Variants in ESRRG observed in about 807,000 individuals in gnomAD.
ESRRG encodes the protein estrogen related receptor gamma, also known as estrogen-related receptor gamma.
In ESRRG, 13 loss-of-function variants were observed where a neutral mutation model predicts 44.0. The observed-to-expected ratio is 0.30, with a 90% CI of 0.19 to 0.47. ESRRG has a LOEUF of 0.47. ESRRG is among the 20% of genes least tolerant of loss of function. ESRRG has a pLI of 1.00. For synonymous variants in ESRRG, 215 were observed against 214.6 expected, an observed-to-expected ratio of 1.00 and a Z score of -0.02; for missense variants, 395 against 580.6, an observed-to-expected ratio of 0.68 and a Z score of 3.29.
rs111905976 is a variant in ESRRG at position 216,507,047 on chromosome 1, G to C, written c.1269C>G (p.Leu423=). 9 of 1,613,988 alleles carry C rather than the reference G, an allele frequency of 5.6e-6. No individual in the cohort carries two copies. Among genetic ancestry groups the C allele is most frequent in the African/African-American group, 1.3e-5 (1 of 74,918 alleles). The change falls in exon 7 of 7, where the codon CTC becomes CTG. Residue 423 remains leucine (L), a synonymous_variant. Transcript: ENST00000408911. ...RAGKMLMTLP[L]LRQTSTKAVQ... The stretch of plus-strand genomic sequence containing the variant: ...CGGCCTTGGTAGAGGTCTGCCTCAG[G>C]AGTGGCAGTGTCATCAGCATCTTGC...
intron 1 of ESRRG, among the ~76,000 whole-genome samples, chr1:217,054,369 C>A (rs1433893386): frequency 6.6e-6 from 1 of 152,104 alleles, no homozygotes; most frequent in Non-Finnish European, 1.5e-5. Flanking sequence ...TCCTATTTAA[C>A]CTCATATGGG....
chr1:216,525,827 G>A (rs914115451), intron 5 of ESRRG, among the ~76,000 whole-genome samples: 1 of 152,110 alleles, frequency 6.6e-6, no homozygotes, highest in Non-Finnish European at 1.5e-5. Context: ...GTAGAACTAG[G>A]TCAAGAAATA....
chr1:217,075,213 C>A (rs1177767921), intron 1 of ESRRG, among the ~76,000 whole-genome samples: 1 of 152,168 alleles, frequency 6.6e-6, no homozygotes, highest in African/African-American at 2.4e-5. Context: ...AATAATGAAA[C>A]CAGCAACAGT....
At chr1:216,787,049 C>T (rs2094150022) in intron 2 of ESRRG, among the ~76,000 whole-genome samples, 1 of 150,486 alleles carries the variant, frequency 6.6e-6, no homozygotes, top group Non-Finnish European at 1.5e-5. Context: ...AGCATGTGTT[C>T]ACTTTCCGTC....
At chr1:216,751,549 C>T (rs532273334) in intron 2 of ESRRG, among the ~76,000 whole-genome samples, 1 of 152,158 alleles carries the variant, frequency 6.6e-6, no homozygotes, top group African/African-American at 2.4e-5. Flanking sequence ...TTCATCTGCC[C>T]TTTCACTGCC....
At chr1:216,561,223 A>G (rs1323265975) in intron 5 of ESRRG, among the ~76,000 whole-genome samples, 1 of 152,184 alleles carries the variant, frequency 6.6e-6, no homozygotes. Context: ...GTGCAAAAGT[A>G]CATTCGAAGC....
intron 1 of ESRRG, among the ~76,000 whole-genome samples, chr1:217,035,167 T>C (rs2082662490): frequency 6.6e-6 from 1 of 151,624 alleles, no homozygotes; most frequent in African/African-American, 2.4e-5. Flanking sequence ...AGGATTGATG[T>C]GAGAATTAAA....
At chr1:217,100,627 A>G (rs901205531) in intron 1 of ESRRG, among the ~76,000 whole-genome samples, 1 of 152,252 alleles carries the variant, frequency 6.6e-6, no homozygotes, top group African/African-American at 2.4e-5. Flanking sequence ...CAGACTATAC[A>G]TGAAGCATAG....
intron 2 of ESRRG, among the ~76,000 whole-genome samples, chr1:216,788,030 A>T (rs1004325241): frequency 6.6e-6 from 1 of 152,158 alleles, no homozygotes; most frequent in African/African-American, 2.4e-5. Context: ...GCTATCACGC[A>T]TTGGTTCATG....
At chr1:217,043,438 C>T (rs1255983464) in intron 1 of ESRRG, among the ~76,000 whole-genome samples, 2 of 152,158 alleles carry the variant, frequency 1.3e-5, no homozygotes, top group South Asian at 2.1e-4. Context: ...ATGAATAGTG[C>T]ACAACTTATC....
intron 2 of ESRRG, among the ~76,000 whole-genome samples, chr1:216,816,466 T>C (rs1410711586): frequency 1.3e-5 from 2 of 152,206 alleles, no homozygotes; most frequent in East Asian, 3.8e-4. Context: ...TCCATGATGT[T>C]GGTTAAACAG....
intron 2 of ESRRG, among the ~76,000 whole-genome samples, chr1:216,926,463 A>G (rs1200647525): frequency 2.6e-5 from 4 of 152,152 alleles, no homozygotes; most frequent in South Asian, 2.1e-4. Flanking sequence ...ACTCTTACAC[A>G]TGAAATGTGA....
intron 2 of ESRRG, among the ~76,000 whole-genome samples, chr1:216,934,260 C>T (rs2063776127): frequency 6.6e-6 from 1 of 152,030 alleles, no homozygotes; most frequent in African/African-American, 2.4e-5. Context: ...ATGGCGAAAC[C>T]CCGTCTCTAC....
At chr1:217,044,106 T>C (rs2084399535) in intron 1 of ESRRG, among the ~76,000 whole-genome samples, 1 of 152,196 alleles carries the variant, frequency 6.6e-6, no homozygotes, top group Non-Finnish European at 1.5e-5. Context: ...TAATTGGCTT[T>C]CAAGTTTACT....
intron 1 of ESRRG, among the ~76,000 whole-genome samples, chr1:217,135,417 A>G (rs1284464427): frequency 2.6e-5 from 4 of 152,202 alleles, no homozygotes; most frequent in Non-Finnish European, 5.9e-5. Flanking sequence ...ACAGCGAAAT[A>G]GAGAATGAGA....
chr1:216,803,388 CTT>C (rs1311615043), intron 2 of ESRRG, among the ~76,000 whole-genome samples: 1 of 152,120 alleles, frequency 6.6e-6, no homozygotes, highest in Non-Finnish European at 1.5e-5. Flanking sequence ...TGTTCAGACT[CTT>C]GAGTGTCCCC....
intron 1 of ESRRG, among the ~76,000 whole-genome samples, chr1:217,133,609 C>T (rs2092996623): frequency 2.6e-4 from 4 of 15,584 alleles, no homozygotes; most frequent in African/African-American, 6.2e-4. Context: ...TTCCTTTTTT[C>T]TTTCTTTCTT....
At chr1:216,576,667 A>C (rs570384074) in intron 3 of ESRRG, among the ~76,000 whole-genome samples, 1 of 152,042 alleles carries the variant, frequency 6.6e-6, no homozygotes, top group African/African-American at 2.4e-5. Context: ...ATCATGTGCT[A>C]AATTTATAAT....
At chr1:217,000,716 A>G (rs2076922779) in intron 1 of ESRRG, 1 of 152,220 alleles carries the variant, frequency 6.6e-6, no homozygotes, top group Admixed American at 6.5e-5. Context: ...CCGTGTAGCA[A>G]CATCGTCACT....
Sources: gnomAD v4.1 joint callset for allele counts (sites outside exome capture counted in the v4.1 genomes callset) on GRCh38, gnomAD v4.1.1 for gene constraint, MANE v1.5 for transcripts, NCBI Gene and HGNC (gene_info 2026-07-23, HGNC 2026-07-21) for gene names.